The following MLIP variants were observed in gnomAD, a reference collection of about 807,000 sequenced individuals.
MLIP encodes muscular LMNA-interacting protein.
A neutral mutation model predicts 84.8 loss-of-function variants in MLIP; 79 were observed. That is an observed-to-expected ratio of 0.93 (90% CI 0.78 to 1.12). MLIP has a LOEUF of 1.12. Ranked by LOEUF, MLIP falls within the 50% of genes most tolerant of loss-of-function variation. The pLI, the probability that MLIP is intolerant of heterozygous loss-of-function variation, is 0.00. For synonymous variants in MLIP, 504 were observed against 463.0 expected, an observed-to-expected ratio of 1.09 and a Z score of -1.14; for missense variants, 1,257 against 1,160.6, an observed-to-expected ratio of 1.08 and a Z score of -1.21.
chr6:54,040,168 G>A (rs1015369179), intron 1 of MLIP, among the ~76,000 whole-genome samples: 7 of 151,920 alleles, frequency 4.6e-5, no homozygotes, highest in Admixed American at 2.0e-4. Flanking sequence ...TCTACCATGT[G>A]TCAGATATTA....
intron 12 of MLIP, among the ~76,000 whole-genome samples, chr6:54,248,055 C>G (rs1306902951): frequency 1.3e-5 from 2 of 152,026 alleles, no homozygotes; most frequent in Non-Finnish European, 2.9e-5. Context: ...AACGCAGGGG[C>G]AGGATTCCAA....
intron 1 of MLIP, among the ~76,000 whole-genome samples, chr6:54,093,913 AAG>A (rs1309179557): frequency 1.1e-4 from 16 of 152,300 alleles, no homozygotes; most frequent in African/African-American, 3.8e-4. Context: ...CCCTTACAGA[AAG>A]AGTTTGCCAA....
At chr6:54,220,489 A>G (rs1000260869) in intron 11 of MLIP, among the ~76,000 whole-genome samples, 3 of 152,204 alleles carry the variant, frequency 2.0e-5, no homozygotes, top group Admixed American at 6.5e-5. Context: ...CAGAATAATA[A>G]CAATAGAATG....
chr6:54,265,406 A>G lies in MLIP; in HGVS notation c.2977-544A>G, dbSNP rs535900225. On this transcript the variant is annotated intron_variant, in intron 13 of 13. Transcript: ENST00000502396. ...AAGAAATTATTGGAATCACTCCTCTACCACAGAGCAAAATTGTAAGATCAA... is the reference window on the plus strand; with the variant it reads ...AAGAAATTATTGGAATCACTCCTCTGCCACAGAGCAAAATTGTAAGATCAA... 3.3e-5 allele frequency among the ~76,000 whole-genome samples: 5 copies of G among 152,254 alleles called. No individual in the cohort carries two copies. The South Asian group carries it at 1.0e-3, about 32-fold the overall frequency.
At chr6:54,110,165 A>G (rs1247065683), upstream of MLIP, among the ~76,000 whole-genome samples, 2 of 151,496 alleles carry the variant, frequency 1.3e-5, no homozygotes, top group African/African-American at 4.9e-5. Flanking sequence ...TGTATTTTTT[A>G]GTAGAGACAG....
At chr6:54,191,262 A>G (rs1486300979) in intron 10 of MLIP, among the ~76,000 whole-genome samples, 2 of 152,338 alleles carry the variant, frequency 1.3e-5, no homozygotes, top group South Asian at 4.1e-4. Flanking sequence ...ACAGCCAACA[A>G]ATCATCTTGT....
intron 1 of MLIP, among the ~76,000 whole-genome samples, chr6:54,055,833 AAGG>A (rs1765630521): frequency 6.6e-6 from 1 of 152,066 alleles, no homozygotes; most frequent in African/African-American, 2.4e-5. Flanking sequence ...TAAAGACCTG[AAGG>A]AGGAGTGCCT....
At chr6:54,231,702 C>A (rs565419529) in intron 12 of MLIP, among the ~76,000 whole-genome samples, 9 of 152,246 alleles carry the variant, frequency 5.9e-5, no homozygotes, top group African/African-American at 2.2e-4. Context: ...TTAATTAAAT[C>A]TTTTTGTGAA....
intron 9 of MLIP, among the ~76,000 whole-genome samples, chr6:54,177,884 G>A (rs1314061889): frequency 2.6e-5 from 4 of 152,150 alleles, no homozygotes; most frequent in African/African-American, 7.2e-5. Flanking sequence ...AAAAGATCAT[G>A]TCTTTTGCGG....
At chr6:54,250,050 G>T (rs1410118706) in intron 12 of MLIP, among the ~76,000 whole-genome samples, 1 of 151,858 alleles carries the variant, frequency 6.6e-6, no homozygotes, top group Non-Finnish European at 1.5e-5. Context: ...TGCAGTATTT[G>T]GTTGTCTGTT....
intron 1 of MLIP, among the ~76,000 whole-genome samples, chr6:54,120,805 T>C (rs1254405696): frequency 6.6e-6 from 1 of 152,116 alleles, no homozygotes; most frequent in African/African-American, 2.4e-5. Context: ...AGTAGTCTTA[T>C]CTTTTTTCTG....
intron 10 of MLIP, among the ~76,000 whole-genome samples, chr6:54,199,942 A>G (rs142155629): frequency 7.9e-5 from 12 of 152,320 alleles, no homozygotes; most frequent in Non-Finnish European, 1.6e-4. Flanking sequence ...CACAAAGTCC[A>G]AGAAAAGAAC....
intron 9 of MLIP, 96 bp downstream of exon 9, chr6:54,169,668 A>G (rs1187651832): frequency 1.3e-6 from 1 of 757,520 alleles, no homozygotes; most frequent in Non-Finnish European, 1.9e-6. Flanking sequence ...AATAGAATTA[A>G]TTGTTTTTTT....
chr6:54,247,055 A>C (rs1782130101), intron 12 of MLIP, among the ~76,000 whole-genome samples: 1 of 152,174 alleles, frequency 6.6e-6, no homozygotes, highest in Admixed American at 6.6e-5. Flanking sequence ...TTGACCCAAG[A>C]AAGTTTTTAA....
At chr6:54,078,110 G>A (rs774140107) in intron 1 of MLIP, among the ~76,000 whole-genome samples, 3 of 152,074 alleles carry the variant, frequency 2.0e-5, no homozygotes, top group South Asian at 2.1e-4. Flanking sequence ...CTCCCCTGAC[G>A]GGCAGGAGGT....
intron 1 of MLIP, among the ~76,000 whole-genome samples, chr6:54,094,108 T>TA (rs1768047450): frequency 6.6e-6 from 1 of 152,190 alleles, no homozygotes; most frequent in East Asian, 1.9e-4. Flanking sequence ...ATAGTAATGA[T>TA]AATGATGATG....
At chr6:54,224,210 C>G (rs1190982375) in intron 11 of MLIP, among the ~76,000 whole-genome samples, 1 of 151,680 alleles carries the variant, frequency 6.6e-6, no homozygotes, top group Non-Finnish European at 1.5e-5. Context: ...GTTAGTTAAA[C>G]AGATCAATAA....
At chr6:54,066,034 T>TTTATCTTAGGTGTAGAATCACAATCAAA (rs1172953798) in intron 1 of MLIP, among the ~76,000 whole-genome samples, 1 of 99,430 alleles carries the variant, frequency 1.0e-5, no homozygotes, top group Admixed American at 9.5e-5. Flanking sequence ...CCCTTCTACA[T>TTTATCTTAGGTGTAGAATCACAATCAAA]TTATCTTAGG....
chr6:54,061,542 G>A (rs971124149), intron 1 of MLIP, among the ~76,000 whole-genome samples: 101 of 152,282 alleles, frequency 6.6e-4, no homozygotes, highest in African/African-American at 2.4e-3. Context: ...TGTGCTCAAA[G>A]CTTCATACCA....
Sources: gnomAD v4.1 joint callset for allele counts (sites outside exome capture counted in the v4.1 genomes callset) on GRCh38, gnomAD v4.1.1 for gene constraint, MANE v1.5 for transcripts, NCBI Gene and HGNC (gene_info 2026-07-23, HGNC 2026-07-21) for gene names.